PXDNL: variants seen among roughly 807,000 people sequenced by gnomAD.
The protein encoded by PXDNL is peroxidasin like, also known as probable oxidoreductase PXDNL.
Under a neutral mutation model 150.8 loss-of-function variants are expected in PXDNL, and 145 were observed. That is an observed-to-expected ratio of 0.96 (90% CI 0.84 to 1.10). PXDNL has a LOEUF of 1.10. Ranked by LOEUF, PXDNL falls within the 50% of genes least tolerant of loss-of-function variation. The pLI is 0.00. For missense variants in PXDNL, 2,087 were observed against 1,873.9 expected (o/e 1.11, Z -2.10); for synonymous variants, 757 against 725.7 (o/e 1.04, Z -0.69).
intron 1 of PXDNL, among the ~76,000 whole-genome samples, chr8:51,755,046 G>C (rs1306898411): frequency 6.6e-6 from 1 of 152,116 alleles, no homozygotes; most frequent in Admixed American, 6.6e-5. Flanking sequence ...CTCTGCACAA[G>C]TTACTAGAGA....
chr8:51,755,308 T>G (rs928183662), intron 1 of PXDNL, among the ~76,000 whole-genome samples: 1 of 152,148 alleles, frequency 6.6e-6, no homozygotes, highest in African/African-American at 2.4e-5. Context: ...GTTTTTTTTT[T>G]TTTGAGACAG....
At chr8:51,793,001 G>A (rs1333439266) in intron 1 of PXDNL, among the ~76,000 whole-genome samples, 1 of 152,196 alleles carries the variant, frequency 6.6e-6, no homozygotes, top group East Asian at 1.9e-4. Flanking sequence ...TTGTTAAGCA[G>A]GTCCCAGATC....
chr8:51,612,660 A>G (rs1585621078), intron 2 of PXDNL, among the ~76,000 whole-genome samples: 2 of 152,122 alleles, frequency 1.3e-5, no homozygotes, highest in East Asian at 1.9e-4. Context: ...AGAGACCCCC[A>G]CAGAGCTCCC....
At chr8:51,577,997 A>AG (rs1813112686) in intron 3 of PXDNL, among the ~76,000 whole-genome samples, 1 of 36,516 alleles carries the variant, frequency 2.7e-5, no homozygotes, top group African/African-American at 1.0e-4. Flanking sequence ...GAAAGAAAGA[A>AG]AGAGGAAGGA....
chr8:51,670,094 C>T (rs1815469468), intron 1 of PXDNL, among the ~76,000 whole-genome samples: 2 of 151,996 alleles, frequency 1.3e-5, no homozygotes, highest in Non-Finnish European at 2.9e-5. Flanking sequence ...AAAATATAGC[C>T]GGTTGTGGTG....
At chr8:51,799,849 T>C (rs2037600748) in intron 1 of PXDNL, among the ~76,000 whole-genome samples, 1 of 152,168 alleles carries the variant, frequency 6.6e-6, no homozygotes, top group East Asian at 1.9e-4. Context: ...AGTTTCTCCC[T>C]ACCCATGCCC....
intron 12 of PXDNL, 81 bp from the exon 13 acceptor site, chr8:51,426,839 C>T: frequency 2.6e-6 from 2 of 763,890 alleles, no homozygotes; most frequent in African/African-American, 1.8e-5. Context: ...AAGGTATGAA[C>T]CTGAATGCCA....
chr8:51,405,047 G>A (rs1038399853), intron 17 of PXDNL, among the ~76,000 whole-genome samples: 4 of 152,286 alleles, frequency 2.6e-5, no homozygotes, highest in South Asian at 2.1e-4. Flanking sequence ...CTGCTGGCCC[G>A]GGTGCTAAGC....
intron 1 of PXDNL, among the ~76,000 whole-genome samples, chr8:51,772,244 A>T (rs1284177800): frequency 6.7e-6 from 1 of 149,866 alleles, no homozygotes; most frequent in Non-Finnish European, 1.5e-5. Flanking sequence ...ATATACACAC[A>T]CACACACACA....
rs939524680 is a variant in PXDNL at position 51,630,960 on chromosome 8, G to A, written c.236+23729C>T. ...TACCCAAAGAAATATAAATTGTTCT[G>A]TCATAAAGACACATGCATACTTATG... On this transcript the variant is annotated intron_variant, in intron 2 of 22. Coordinates refer to ENST00000356297, the MANE Select transcript of PXDNL (RefSeq NM_144651.5). Among the ~76,000 whole-genome samples the A allele has an allele frequency of 5.9e-5, 9 of 151,998 alleles. 1 individual carries two copies. Among genetic ancestry groups the A allele is most frequent in the Admixed American group, 2.0e-4 (3 of 15,262 alleles).
At chr8:51,553,507 A>G (rs1379239226) in intron 4 of PXDNL, among the ~76,000 whole-genome samples, 1 of 152,088 alleles carries the variant, frequency 6.6e-6, no homozygotes, top group Non-Finnish European at 1.5e-5. Context: ...AGTGTATAAA[A>G]TATGCTTTTT....
chr8:51,659,266 C>T (rs2130808985), intron 1 of PXDNL, among the ~76,000 whole-genome samples: 1 of 152,232 alleles, frequency 6.6e-6, no homozygotes, highest in East Asian at 1.9e-4. Context: ...CAGAAGCAAT[C>T]CTAGTCATTG....
chr8:51,337,334 A>T (rs1338591134), intron 21 of PXDNL, among the ~76,000 whole-genome samples: 1 of 152,214 alleles, frequency 6.6e-6, no homozygotes, highest in East Asian at 1.9e-4. Flanking sequence ...TAAATTTATG[A>T]AAAAATAGTT....
intron 19 of PXDNL, among the ~76,000 whole-genome samples, chr8:51,349,670 T>C (rs1806274045): frequency 6.6e-6 from 1 of 152,198 alleles, no homozygotes; most frequent in East Asian, 1.9e-4. Context: ...TGTCTGAATA[T>C]TGCAGTTCAT....
chr8:51,413,786 G>A (rs1190502206), intron 14 of PXDNL, among the ~76,000 whole-genome samples: 1 of 152,140 alleles, frequency 6.6e-6, no homozygotes, highest in Non-Finnish European at 1.5e-5. Context: ...GACAAAGGAA[G>A]CTATTTACTT....
intron 2 of PXDNL, among the ~76,000 whole-genome samples, chr8:51,598,794 T>C (rs905761309): frequency 6.6e-6 from 1 of 152,042 alleles, no homozygotes; most frequent in East Asian, 1.9e-4. Flanking sequence ...TTTTCTAACA[T>C]AGGTTTGAGC....
At chr8:51,605,782 T>C (rs1813827437) in intron 2 of PXDNL, among the ~76,000 whole-genome samples, 1 of 152,200 alleles carries the variant, frequency 6.6e-6, no homozygotes, top group Non-Finnish European at 1.5e-5. Context: ...AATGTTGCTA[T>C]CAAAGGTGTG....
intron 17 of PXDNL, among the ~76,000 whole-genome samples, chr8:51,375,648 T>C (rs1807278643): frequency 6.6e-6 from 1 of 152,272 alleles, no homozygotes; most frequent in Non-Finnish European, 1.5e-5. Context: ...AAACAGTCTA[T>C]TATTGGAAAC....
intron 5 of PXDNL, 49 bp downstream of exon 5, chr8:51,499,650 T>G: frequency 7.0e-7 from 1 of 1,432,288 alleles, no homozygotes. Context: ...GTTGTATAAA[T>G]GGAAAATGTA....
Sources: allele counts gnomAD v4.1 joint callset (sites outside exome capture counted in the v4.1 genomes callset), GRCh38; gene constraint gnomAD v4.1.1; transcripts MANE v1.5; gene names NCBI Gene and HGNC (gene_info 2026-07-23, HGNC 2026-07-21).